Variants in TCF20 observed in about 807,000 individuals in gnomAD.
The protein encoded by TCF20 is SPRE-binding protein.
TCF20 carries 3 observed loss-of-function variants against 148.6 expected under a neutral mutation model. The observed-to-expected ratio is 0.02, with a 90% CI of 0.01 to 0.05. TCF20 has a LOEUF of 0.05. Among genes scored for constraint, TCF20 ranks in the 10% least tolerant of loss-of-function variants. The pLI is 1.00. For synonymous variants in TCF20, 1,049 were observed against 909.5 expected, an observed-to-expected ratio of 1.15 and a Z score of -2.76; for missense variants, 2,350 against 2,429.3, an observed-to-expected ratio of 0.97 and a Z score of 0.69.
chr22:42,319,409 G>A (rs1927692526), intron 1 of TCF20, among the ~76,000 whole-genome samples: 1 of 152,128 alleles, frequency 6.6e-6, no homozygotes, highest in Non-Finnish European at 1.5e-5. Flanking sequence ...AGCCATGGGG[G>A]CTCTCATCGT....
chr22:42,161,972 CTTTT>C lies in TCF20; in HGVS notation c.*45-618_*45-615del, dbSNP rs3045573. Reference sequence around the variant, plus strand: ...GCCACCATGCTTGGCTAATGACAGTCTTTTTTTTTTTTTTTTTTTTTTTTTTTTG... The same window carrying C: ...GCCACCATGCTTGGCTAATGACAGTCTTTTTTTTTTTTTTTTTTTTTTTTG... On this transcript the variant is annotated intron_variant, in intron 5 of 5. Transcript: ENST00000677622. Among the ~76,000 whole-genome samples, 307 of 74,952 alleles carry C rather than the reference CTTTT, an allele frequency of 4.1e-3. 2 individuals are homozygous for C. Among genetic ancestry groups the C allele is most frequent in the Middle Eastern group, 0.019 (2 of 104 alleles). The allele number at this position is 74,952 out of a possible 152,430, so 49.2% of individuals were successfully genotyped here. A position where few individuals can be genotyped will look rare whatever the true frequency, so the allele number is the denominator to read the frequency against.
chr22:42,160,488 G>A lies in TCF20; in HGVS notation c.*915C>T, dbSNP rs778706818. 1.0e-4 allele frequency: 16 copies of A among 152,572 alleles called. No homozygotes were observed. 9.5% of individuals were successfully genotyped at this position (152,572 alleles called of 1,614,324 possible). ...AGGGCACAGCTGCCTGGAATGTGCT[G>A]AGGACAGGGGGCCCCAGAGGAGGGT... On this transcript the variant is annotated 3_prime_UTR_variant, in exon 6 of 6. Coordinates refer to ENST00000677622, the MANE Select transcript of TCF20 (RefSeq NM_001378418.1).
At chr22:42,168,949 T>TA (rs1430461716) in intron 4 of TCF20, among the ~76,000 whole-genome samples, 1 of 151,786 alleles carries the variant, frequency 6.6e-6, no homozygotes, top group Non-Finnish European at 1.5e-5. Flanking sequence ...GCAAATTAAG[T>TA]AAAAATAAAG....
chr22:42,184,694 A>T (rs1936963574), intron 2 of TCF20, among the ~76,000 whole-genome samples: 1 of 152,204 alleles, frequency 6.6e-6, no homozygotes, highest in Non-Finnish European at 1.5e-5. Context: ...TCCAAGCATG[A>T]TTTCTAAATT....
chr22:42,221,343 T>C (rs1312607490), intron 1 of TCF20, among the ~76,000 whole-genome samples: 1 of 152,184 alleles, frequency 6.6e-6, no homozygotes, highest in African/African-American at 2.4e-5. Flanking sequence ...AAACCATTCA[T>C]ACCGGAATAG....
In TCF20 at chr22:42,161,199, G is replaced by A. The variant is rs1935430339; in HGVS notation, c.*204C>T. ...AACGTCTTGGGTCTTTCTTTCCTGT[G>A]GTGTCACTGGTTTGAGTGTGATGTG... On this transcript the variant is annotated 3_prime_UTR_variant, in exon 6 of 6. Transcript: ENST00000677622. The A allele has an allele frequency of 1.1e-6, 1 of 899,338 alleles. No homozygotes were observed. The highest frequency in any genetic ancestry group is 1.7e-5 in the African/African-American group (1 of 59,698). The allele number at this position is 899,338 out of a possible 1,614,324, so 55.7% of individuals were successfully genotyped here. A position where few individuals can be genotyped will look rare whatever the true frequency, so the allele number is the denominator to read the frequency against.
At chr22:42,295,442 C>CTTTTT (rs869294446) in intron 1 of TCF20, among the ~76,000 whole-genome samples, 10 of 134,614 alleles carry the variant, frequency 7.4e-5, no homozygotes, top group South Asian at 2.4e-4. Flanking sequence ...GTTTTCTTTT[C>CTTTTT]TTTTTTTTTT....
intron 1 of TCF20, among the ~76,000 whole-genome samples, chr22:42,254,711 G>A (rs1355831663): frequency 1.3e-5 from 2 of 152,132 alleles, no homozygotes; most frequent in Non-Finnish European, 2.9e-5. Context: ...AAAAGGAGCT[G>A]GTCCCAGCAC....
At chr22:42,311,374 CT>C (rs1420615046) in intron 1 of TCF20, among the ~76,000 whole-genome samples, 2 of 152,258 alleles carry the variant, frequency 1.3e-5, no homozygotes, top group African/African-American at 2.4e-5. Context: ...TAGGTACCCC[CT>C]GTGCCTCAGT....
intron 1 of TCF20, among the ~76,000 whole-genome samples, chr22:42,261,241 CTGA>C (rs139879551): frequency 0.021 from 3,258 of 152,294 alleles, 131 homozygotes; most frequent in African/African-American, 0.074. Flanking sequence ...TACTGTCTCG[CTGA>C]TGGACATCTG....
At chr22:42,262,420 T>C (rs1297742024) in intron 1 of TCF20, among the ~76,000 whole-genome samples, 1 of 151,974 alleles carries the variant, frequency 6.6e-6, no homozygotes, top group African/African-American at 2.4e-5. Context: ...GGGTAAACGG[T>C]AGAGCCCCTT....
chr22:42,210,855 C>A lies in TCF20; in HGVS notation c.4451G>T (p.Gly1484Val), dbSNP rs1349236911. The change falls in exon 2 of 6, where the codon GGT (glycine) becomes GTT (valine). Residue 1484 changes from glycine (G) to valine (V), a missense_variant. Transcript: ENST00000677622. The surrounding 1 kb of genome is among the most constrained non-coding windows in gnomAD (Gnocchi z 4.7). ...TGGAAAGATTAAAGGTGCTGTTCCA[C>A]CCAGGGAACCATCTGGTCTCCCTTG... is the stretch of plus-strand genomic sequence containing the variant. ...SNQGRPDGSL[G>V]GTAPLIFPDS... The A allele has an allele frequency of 6.2e-7, 1 of 1,614,208 alleles. No individual in the cohort carries two copies. The highest frequency in any genetic ancestry group is 1.3e-5 in the African/African-American group (1 of 75,048).
chr22:42,218,858 T>C (rs1922061592), intron 1 of TCF20, among the ~76,000 whole-genome samples: 1 of 151,622 alleles, frequency 6.6e-6, no homozygotes, highest in Non-Finnish European at 1.5e-5. Context: ...TCCTGTATGA[T>C]ACCCCTTTCC....
chr22:42,333,610 C>T (rs1928016018), intron 1 of TCF20, among the ~76,000 whole-genome samples: 1 of 152,258 alleles, frequency 6.6e-6, no homozygotes, highest in Admixed American at 6.5e-5. Context: ...GGTGTAAAAA[C>T]CCTCATATCA....
At chr22:42,310,857 GC>G (rs1347243822) in intron 1 of TCF20, among the ~76,000 whole-genome samples, 3 of 152,212 alleles carry the variant, frequency 2.0e-5, no homozygotes, top group Non-Finnish European at 2.9e-5. Flanking sequence ...AGCCTGGGCC[GC>G]CCGCCTGCCC....
chr22:42,164,456 C>G (rs1935659500), intron 5 of TCF20, among the ~76,000 whole-genome samples: 1 of 152,090 alleles, frequency 6.6e-6, no homozygotes, highest in South Asian at 2.1e-4. Flanking sequence ...GTCTCGATCT[C>G]CTGACCTCGT....
intron 1 of TCF20, among the ~76,000 whole-genome samples, chr22:42,293,668 G>A (rs1927173648): frequency 6.6e-6 from 1 of 152,230 alleles, no homozygotes; most frequent in African/African-American, 2.4e-5. Context: ...GGGCAGGCCT[G>A]GGGAGGCAAG....
Position 42,187,791 on chromosome 22 carries a change from C to T in TCF20, c.5656-8089G>A, listed in dbSNP as rs539657376. Among the ~76,000 whole-genome samples the T allele has an allele frequency of 3.0e-4, 46 of 152,314 alleles. No individual in the cohort carries two copies. The Middle Eastern group carries it at 0.014, about 45-fold the overall frequency. On this transcript the variant is annotated intron_variant, in intron 2 of 5. Transcript: ENST00000677622. ...GTCTTTCTGTACTTCATCTACCAAACAGAGGATGTCAGAAATTAGCCACAA... is the reference window on the plus strand; with the variant it reads ...GTCTTTCTGTACTTCATCTACCAAATAGAGGATGTCAGAAATTAGCCACAA...
chr22:42,248,739 T>G (rs1471242365), intron 1 of TCF20, among the ~76,000 whole-genome samples: 1 of 152,190 alleles, frequency 6.6e-6, no homozygotes, highest in East Asian at 1.9e-4. Flanking sequence ...AGCCGAATTT[T>G]GGGGCAGGGA....
Sources: allele counts gnomAD v4.1 joint callset (sites outside exome capture counted in the v4.1 genomes callset), GRCh38; gene constraint gnomAD v4.1.1; non-coding constraint Gnocchi (gnomAD v3.1); transcripts MANE v1.5; gene names NCBI Gene and HGNC (gene_info 2026-07-23, HGNC 2026-07-21).